The following IQCK variants were observed in gnomAD, a reference collection of about 807,000 sequenced individuals.
The protein encoded by IQCK is IQ domain-containing protein K.
In IQCK, 29 loss-of-function variants were observed where a neutral mutation model predicts 28.1. The observed-to-expected ratio is 1.03, with a 90% CI of 0.77 to 1.41. The LOEUF (loss-of-function observed/expected upper bound fraction) is 1.41. Among genes scored for constraint, IQCK ranks in the 40% most tolerant of loss-of-function variants. IQCK has a pLI of 0.00. For missense variants in IQCK, 359 were observed against 314.7 expected (o/e 1.14, Z -1.07); for synonymous variants, 113 against 115.1 (o/e 0.98, Z 0.12).
intron 7 of IQCK, among the ~76,000 whole-genome samples, chr16:19,823,052 C>A (rs906488695): frequency 6.6e-6 from 1 of 152,100 alleles, no homozygotes; most frequent in African/African-American, 2.4e-5. Context: ...AAACCTGGCT[C>A]GGTCTCACCC....
At chr16:19,815,793 C>G (rs577173760) in intron 7 of IQCK, among the ~76,000 whole-genome samples, 3 of 152,242 alleles carry the variant, frequency 2.0e-5, no homozygotes, top group Non-Finnish European at 4.4e-5. Context: ...CACAAAGCTT[C>G]CTTATAAAGT....
chr16:19,745,259 T>C (rs138731080), intron 4 of IQCK, among the ~76,000 whole-genome samples: 1,530 of 152,290 alleles, frequency 0.01, 20 homozygotes, highest in African/African-American at 0.034. Context: ...ACCTACATCT[T>C]TTTACCATTC....
exon 10 of IQCK, chr16:19,858,233 GCCC>G: frequency 2.8e-6 from 1 of 361,732 alleles, no homozygotes. Flanking sequence ...TCCCGCCTCC[GCCC>G]CCATTATGAA....
chr16:19,767,555 A>G (rs2055257332), intron 6 of IQCK, among the ~76,000 whole-genome samples: 1 of 151,822 alleles, frequency 6.6e-6, no homozygotes, highest in Non-Finnish European at 1.5e-5. Context: ...TGCTCCTCTC[A>G]ACATCCTCTC....
intron 3 of IQCK, among the ~76,000 whole-genome samples, chr16:19,735,095 T>C (rs552035197): frequency 6.6e-6 from 1 of 152,264 alleles, no homozygotes; most frequent in South Asian, 2.1e-4. Context: ...TATTCCTGCT[T>C]TGGGGCCATA....
chr16:19,810,569 T>G (rs532758585), intron 7 of IQCK, among the ~76,000 whole-genome samples: 4 of 151,702 alleles, frequency 2.6e-5, no homozygotes, highest in African/African-American at 9.7e-5. Context: ...TCCCAGCACT[T>G]TGGGAGGCCA....
At chr16:19,814,079 G>T (rs1335497953) in intron 7 of IQCK, among the ~76,000 whole-genome samples, 1 of 152,060 alleles carries the variant, frequency 6.6e-6, no homozygotes, top group Non-Finnish European at 1.5e-5. Flanking sequence ...AATTAGTTGG[G>T]TGTGGTGGCG....
intron 4 of IQCK, among the ~76,000 whole-genome samples, chr16:19,749,439 G>A (rs930378486): frequency 3.3e-5 from 5 of 152,028 alleles, no homozygotes; most frequent in Non-Finnish European, 7.4e-5. Flanking sequence ...TTTGTGACAC[G>A]AGCCTATGTT....
intron 4 of IQCK, among the ~76,000 whole-genome samples, chr16:19,737,486 A>G (rs371460715): frequency 1.3e-5 from 2 of 152,142 alleles, no homozygotes; most frequent in East Asian, 1.9e-4. Context: ...TCAGCATAAC[A>G]TTCCTTTGAC....
At chr16:19,804,933 C>G (rs1275974576) in intron 7 of IQCK, among the ~76,000 whole-genome samples, 1 of 152,046 alleles carries the variant, frequency 6.6e-6, no homozygotes, top group African/African-American at 2.4e-5. Flanking sequence ...ATTCTTTTTT[C>G]CTTCTGCTTT....
intron 7 of IQCK, among the ~76,000 whole-genome samples, chr16:19,803,166 A>T (rs2055782532): frequency 6.6e-6 from 1 of 152,090 alleles, no homozygotes; most frequent in Non-Finnish European, 1.5e-5. Flanking sequence ...TTTTTGAGAC[A>T]GAGTCTCACT....
chr16:19,810,481 A>G (rs1461142566), intron 7 of IQCK, among the ~76,000 whole-genome samples: 3 of 146,626 alleles, frequency 2.0e-5, no homozygotes, highest in African/African-American at 7.7e-5. Context: ...TGGGTGACAG[A>G]GTGAGACTCC....
chr16:19,853,643 T>TAAA (rs2056514911), intron 9 of IQCK, among the ~76,000 whole-genome samples: 1 of 152,162 alleles, frequency 6.6e-6, no homozygotes, highest in Non-Finnish European at 1.5e-5. Flanking sequence ...TCTCTCTTTT[T>TAAA]CTTTTTTTGA....
chr16:19,751,130 A>C (rs1156845799), intron 4 of IQCK, among the ~76,000 whole-genome samples: 1 of 152,096 alleles, frequency 6.6e-6, no homozygotes, highest in African/African-American at 2.4e-5. Context: ...TACCCACCTC[A>C]CCAGGGCTGT....
At chr16:19,837,769 G>A (rs1001266569) in intron 9 of IQCK, among the ~76,000 whole-genome samples, 1 of 152,182 alleles carries the variant, frequency 6.6e-6, no homozygotes, top group Non-Finnish European at 1.5e-5. Flanking sequence ...GCTGTGTCAG[G>A]CTAGAGGCCA....
Position 19,769,256 on chromosome 16 carries a change from G to A in IQCK, c.605+5144G>A, listed in dbSNP as rs550128712. Among the ~76,000 whole-genome samples, 11 of 152,262 alleles carry A rather than the reference G, an allele frequency of 7.2e-5. No homozygotes were observed. The East Asian group carries it at 1.9e-3, about 27-fold the overall frequency. On this transcript the variant is annotated intron_variant, in intron 6 of 7. Transcript: ENST00000564186. ...AAGCAGGTCACCAAGTGCCACATTC[G>A]AGGTTTAATAATTAAGCTCTACCTT...
At chr16:19,828,553 T>C (rs2056183090), downstream of IQCK, among the ~76,000 whole-genome samples, 1 of 151,884 alleles carries the variant, frequency 6.6e-6, no homozygotes, top group African/African-American at 2.4e-5. Flanking sequence ...TGTTTTCAAA[T>C]GGGGAAAATT....
intron 6 of IQCK, among the ~76,000 whole-genome samples, chr16:19,765,418 A>G (rs2055219203): frequency 6.7e-6 from 1 of 149,856 alleles, no homozygotes; most frequent in African/African-American, 2.5e-5. Context: ...CGTGCCTGTA[A>G]TCCCAGCTAC....
chr16:19,818,176 C>G (rs946541320), intron 7 of IQCK, among the ~76,000 whole-genome samples: 1 of 152,214 alleles, frequency 6.6e-6, no homozygotes, highest in Non-Finnish European at 1.5e-5. Flanking sequence ...GATAACTCAT[C>G]CTACCCAGAA....
Sources: gnomAD v4.1 joint callset for allele counts (sites outside exome capture counted in the v4.1 genomes callset) on GRCh38, gnomAD v4.1.1 for gene constraint, MANE v1.5 for transcripts, NCBI Gene and HGNC (gene_info 2026-07-23, HGNC 2026-07-21) for gene names.